The following NCALD variants were observed in gnomAD, a reference collection of about 807,000 sequenced individuals.
NCALD encodes neurocalcin delta.
A neutral mutation model predicts 18.6 loss-of-function variants in NCALD; 10 were observed. The ratio of observed to expected loss-of-function variants is 0.54; its 90% CI spans 0.33 to 0.91. The LOEUF (loss-of-function observed/expected upper bound fraction) is 0.91, where lower values mean the gene tolerates loss of function less well. Among genes scored for constraint, NCALD ranks in the 40% least tolerant of loss-of-function variants. NCALD has a pLI of 0.03. For synonymous variants in NCALD, 88 were observed against 87.4 expected, an observed-to-expected ratio of 1.01 and a Z score of -0.04; for missense variants, 184 against 247.6, an observed-to-expected ratio of 0.74 and a Z score of 1.72.
intron 1 of NCALD, among the ~76,000 whole-genome samples, chr8:102,035,574 C>T (rs1292325881): frequency 6.6e-6 from 1 of 152,086 alleles, no homozygotes; most frequent in East Asian, 1.9e-4. Context: ...CTAATTAAAA[C>T]AGTGAATCAG....
intron 4 of NCALD, among the ~76,000 whole-genome samples, chr8:101,880,113 T>A (rs1816422626): frequency 6.6e-6 from 1 of 151,534 alleles, no homozygotes; most frequent in East Asian, 1.9e-4. Context: ...GGCTGGGGCA[T>A]GGTGGGCTGC....
chr8:101,884,573 T>C (rs554305478), intron 4 of NCALD, among the ~76,000 whole-genome samples: 9 of 152,194 alleles, frequency 5.9e-5, no homozygotes, highest in Non-Finnish European at 1.3e-4. Context: ...GTTGGTTAAT[T>C]GAAATCATCA....
chr8:101,885,449 T>C (rs570150124), intron 4 of NCALD, among the ~76,000 whole-genome samples: 1 of 152,328 alleles, frequency 6.6e-6, no homozygotes, highest in Admixed American at 6.5e-5. Context: ...TTAACCTCTG[T>C]TGAAGAAGCC....
At chr8:101,793,415 T>C (rs2131033210), upstream of NCALD, among the ~76,000 whole-genome samples, 1 of 152,252 alleles carries the variant, frequency 6.6e-6, no homozygotes, top group South Asian at 2.1e-4. Context: ...TGTAGCCCTT[T>C]TTTTCTACAA....
At chr8:101,775,065 G>A (rs1811737741) in intron 1 of NCALD, among the ~76,000 whole-genome samples, 1 of 152,162 alleles carries the variant, frequency 6.6e-6, no homozygotes, top group Non-Finnish European at 1.5e-5. Context: ...TTTCCCAGTT[G>A]TGTAGTGATC....
intron 3 of NCALD, among the ~76,000 whole-genome samples, chr8:101,899,741 T>C (rs917864445): frequency 6.7e-6 from 1 of 150,206 alleles, no homozygotes; most frequent in Non-Finnish European, 1.5e-5. Context: ...GGTTATGGCA[T>C]ATAATTACCT....
intron 1 of NCALD, among the ~76,000 whole-genome samples, chr8:102,105,088 G>A (rs969718321): frequency 6.6e-5 from 10 of 152,130 alleles, no homozygotes; most frequent in African/African-American, 2.4e-4. Flanking sequence ...TGATAATATT[G>A]CTTGAGACCT....
chr8:102,104,834 C>A (rs1168079845), intron 1 of NCALD, among the ~76,000 whole-genome samples: 1 of 152,190 alleles, frequency 6.6e-6, no homozygotes, highest in African/African-American at 2.4e-5. Context: ...GGACAATGAC[C>A]CAGGCCTGAC....
chr8:101,752,174 T>C (rs1245499162), intron 1 of NCALD, among the ~76,000 whole-genome samples: 1 of 152,196 alleles, frequency 6.6e-6, no homozygotes, highest in African/African-American at 2.4e-5. Flanking sequence ...AAAATATATA[T>C]AATTCATCCA....
intron 2 of NCALD, chr8:101,693,221 G>A (rs985358536): frequency 1.3e-4 from 31 of 237,210 alleles, no homozygotes; most frequent in Non-Finnish European, 2.4e-4. Flanking sequence ...CACGCTTACG[G>A]CTCACTGCAG....
At chr8:101,773,670 G>A (rs1288147961) in intron 1 of NCALD, among the ~76,000 whole-genome samples, 2 of 152,192 alleles carry the variant, frequency 1.3e-5, no homozygotes, top group Non-Finnish European at 2.9e-5. Context: ...CCCAGCAGTG[G>A]CATTTTATTA....
chr8:101,816,273 T>C (rs1356463532), intron 4 of NCALD, among the ~76,000 whole-genome samples: 5 of 152,068 alleles, frequency 3.3e-5, no homozygotes, highest in Non-Finnish European at 7.4e-5. Flanking sequence ...AAAAACACAC[T>C]TATAAAACAG....
intron 1 of NCALD, among the ~76,000 whole-genome samples, chr8:101,759,364 G>C (rs1361600915): frequency 6.6e-6 from 1 of 152,140 alleles, no homozygotes; most frequent in African/African-American, 2.4e-5. Context: ...GAGGGAGAGG[G>C]GGAAAAGGAG....
intron 3 of NCALD, chr8:101,690,747 G>C (rs1452359475): frequency 3.0e-6 from 3 of 985,310 alleles, no homozygotes; most frequent in Non-Finnish European, 3.6e-6. Context: ...AGCTCTGTGT[G>C]CTGGCCATTT....
At chr8:101,935,805 TA>T (rs368638046) in intron 2 of NCALD, among the ~76,000 whole-genome samples, 11,857 of 142,010 alleles carry the variant, frequency 0.083, 588 homozygotes, top group Middle Eastern at 0.16. Context: ...TTTTTTTTTT[TA>T]AAGATGGAAG....
At position 102,035,695 on chromosome 8, in the gene NCALD, T is replaced by C. The variant is rs567543723; in HGVS notation, c.-209-15406A>G. Among the ~76,000 whole-genome samples the C allele has an allele frequency of 1.4e-4, 22 of 152,182 alleles. 1 individual carries two copies. The highest frequency in any genetic ancestry group is 3.2e-4 in the Non-Finnish European group (22 of 68,026). On this transcript the variant is annotated intron_variant, in intron 1 of 6. Transcript: ENST00000311028. The stretch of plus-strand genomic sequence containing the variant: ...ATTAGGTAACTACTTGTCTCTTTAA[T>C]GAACCAAAAGATTCTCTCCCAGGTA...
At chr8:101,773,235 G>T (rs575096908) in intron 1 of NCALD, among the ~76,000 whole-genome samples, 1 of 152,200 alleles carries the variant, frequency 6.6e-6, no homozygotes, top group East Asian at 1.9e-4. Flanking sequence ...TGGCACTCTT[G>T]TCCAGTCATG....
At chr8:101,988,175 AAAAAG>A (rs1186393896) in intron 2 of NCALD, among the ~76,000 whole-genome samples, 5 of 149,620 alleles carry the variant, frequency 3.3e-5, no homozygotes, top group Non-Finnish European at 5.9e-5. Context: ...AAAGAAAAAA[AAAAAG>A]AAAAGAAAAG....
intron 4 of NCALD, among the ~76,000 whole-genome samples, chr8:101,838,115 GACA>G (rs1021596241): frequency 6.6e-5 from 10 of 152,248 alleles, no homozygotes; most frequent in African/African-American, 1.7e-4. Context: ...TTTTTGTTGT[GACA>G]ACAACCTGAT....
Sources: allele counts gnomAD v4.1 joint callset (sites outside exome capture counted in the v4.1 genomes callset), GRCh38; gene constraint gnomAD v4.1.1; transcripts MANE v1.5; gene names NCBI Gene and HGNC (gene_info 2026-07-23, HGNC 2026-07-21).